CDH23: variants seen among roughly 807,000 people sequenced by gnomAD.
The protein encoded by CDH23 is cadherin-23.
In CDH23, 189 loss-of-function variants were observed where a neutral mutation model predicts 317.1. The observed-to-expected ratio is 0.60, with a 90% CI of 0.53 to 0.67. The LOEUF is 0.67. Ranked by LOEUF, CDH23 falls within the 30% of genes least tolerant of loss-of-function variation. The pLI is 0.00. For missense variants in CDH23, 4,401 were observed against 4,592.4 expected, an observed-to-expected ratio of 0.96 and a Z score of 1.20; for synonymous variants, 1,839 against 1,876.8, an observed-to-expected ratio of 0.98 and a Z score of 0.52.
rs530603188 is a variant in CDH23 at position 71,420,844 on chromosome 10, T to A, written c.-5-18983T>A. 2.0e-5 allele frequency among the ~76,000 whole-genome samples: 3 copies of A among 152,124 alleles called. No individual in the cohort carries two copies. In the East Asian group the frequency reaches 5.8e-4, roughly 30 times the overall value. ...TCTCTTGGCCTCTGCTTTACTCACTTCAGCATTTCTCGGCACCACCCCCAT... is the reference window on the plus strand; with the variant it reads ...TCTCTTGGCCTCTGCTTTACTCACTACAGCATTTCTCGGCACCACCCCCAT... On this transcript the variant is annotated intron_variant, in intron 1 of 69. Coordinates refer to ENST00000224721, the MANE Select transcript of CDH23 (RefSeq NM_022124.6).
chr10:71,532,013 G>A (rs2132261911), intron 6 of CDH23, among the ~76,000 whole-genome samples: 1 of 152,122 alleles, frequency 6.6e-6, no homozygotes, highest in East Asian at 1.9e-4. Flanking sequence ...CTACCAGCCA[G>A]CTCCTCCCAA....
intron 38 of CDH23, among the ~76,000 whole-genome samples, chr10:71,765,999 TAGG>T (rs746543209): frequency 2.0e-5 from 3 of 152,060 alleles, no homozygotes; most frequent in Non-Finnish European, 2.9e-5. Context: ...AGCCTGTCGT[TAGG>T]AGGACACTCG....
intron 48 of CDH23, 167 bp from the exon 49 acceptor site, chr10:71,796,937 C>T (rs1841419229): frequency 1.7e-6 from 1 of 573,570 alleles, no homozygotes; most frequent in Admixed American, 2.7e-5. Context: ...GCCACGTGAC[C>T]CAAGCTTATG....
At chr10:71,592,457 G>T (rs987949578) in intron 9 of CDH23, among the ~76,000 whole-genome samples, 2 of 152,146 alleles carry the variant, frequency 1.3e-5, no homozygotes, top group Non-Finnish European at 1.5e-5. Flanking sequence ...AGCAGGGCTG[G>T]TTCCTTCTAG....
chr10:71,681,515 T>C (rs1248523713), intron 17 of CDH23, among the ~76,000 whole-genome samples: 2 of 152,208 alleles, frequency 1.3e-5, no homozygotes, highest in Non-Finnish European at 2.9e-5. Flanking sequence ...AACAGAGTTC[T>C]GTTGAAGGTA....
At chr10:71,578,054 G>A in intron 9 of CDH23, 62 bp downstream of exon 9, 1 of 1,487,110 alleles carries the variant, frequency 6.7e-7, no homozygotes, top group East Asian at 2.4e-5. Flanking sequence ...AGGAGAGCCA[G>A]TAGGCATCTC....
At chr10:71,544,816 A>T (rs1341203099) in intron 6 of CDH23, among the ~76,000 whole-genome samples, 2 of 152,332 alleles carry the variant, frequency 1.3e-5, no homozygotes. Flanking sequence ...AGGGAGTCGG[A>T]TCATTTTCAG....
At chr10:71,653,176 C>T (rs1863259665) in intron 14 of CDH23, among the ~76,000 whole-genome samples, 1 of 152,208 alleles carries the variant, frequency 6.6e-6, no homozygotes, top group Admixed American at 6.5e-5. Flanking sequence ...CAGCAGACAG[C>T]CCTGCTGCAT....
chr10:71,621,384 C>A lies in CDH23; in HGVS notation c.1134+3991C>A, dbSNP rs528513695. Among the ~76,000 whole-genome samples the A allele has an allele frequency of 3.9e-5, 6 of 152,306 alleles. No homozygotes were observed. In the South Asian group the frequency reaches 1.2e-3, roughly 32 times the overall value. On this transcript the variant is annotated intron_variant, in intron 11 of 69. Transcript: ENST00000224721. Reference sequence around the variant, plus strand: ...ACATGCCCACGATTAGTGTGAGGATCCCACTAAATCTAACTCCTGATTGCA... The same window carrying A: ...ACATGCCCACGATTAGTGTGAGGATACCACTAAATCTAACTCCTGATTGCA...
At chr10:71,706,808 A>G in intron 25 of CDH23, 89 bp from the exon 26 acceptor site, 1 of 1,500,550 alleles carries the variant, frequency 6.7e-7, no homozygotes, top group East Asian at 2.5e-5. Context: ...TTCATTCCCT[A>G]CTTGGTCTGG....
At chr10:71,482,608 G>A (rs1852128094) in intron 3 of CDH23, among the ~76,000 whole-genome samples, 1 of 152,190 alleles carries the variant, frequency 6.6e-6, no homozygotes, top group Non-Finnish European at 1.5e-5. Flanking sequence ...CACCTGTGGG[G>A]GCACTGGACT....
rs114942884 is a variant in CDH23 at position 71,571,231 on chromosome 10, G to C, written c.753+313G>C. 3.6e-3 allele frequency among the ~76,000 whole-genome samples: 555 copies of C among 152,358 alleles called. 8 individuals carry two copies. Among genetic ancestry groups the C allele is most frequent in the African/African-American group, 0.013 (534 of 41,574 alleles). On this transcript the variant is annotated intron_variant, in intron 8 of 69. Transcript: ENST00000224721. The stretch of plus-strand genomic sequence containing the variant: ...GGGGATCCCATGGAAAATTCAGCCT[G>C]TGCTGAAGAATGGACTCAGTCTGGC...
intron 38 of CDH23, chr10:71,755,292 G>T: frequency 7.1e-7 from 1 of 1,402,384 alleles, no homozygotes; most frequent in Non-Finnish European, 9.9e-7. Flanking sequence ...AATCCCAGGG[G>T]CTGAACTGGG....
At chr10:71,796,092 C>A (rs2132960101) in intron 48 of CDH23, 5 of 986,614 alleles carry the variant, frequency 5.1e-6, no homozygotes, top group South Asian at 4.7e-5. Flanking sequence ...AAGTGACTAC[C>A]CCATGGCTGG....
intron 14 of CDH23, among the ~76,000 whole-genome samples, chr10:71,647,441 C>T (rs1392315654): frequency 2.0e-5 from 3 of 146,856 alleles, no homozygotes; most frequent in East Asian, 2.0e-4. Context: ...CCAGCCTGGG[C>T]GACAGAGCCA....
At chr10:71,435,240 G>T (rs1849565147) in intron 1 of CDH23, among the ~76,000 whole-genome samples, 1 of 152,200 alleles carries the variant, frequency 6.6e-6, no homozygotes, top group Non-Finnish European at 1.5e-5. Flanking sequence ...ACAATGACTG[G>T]CATAGAACAT....
chr10:71,684,714 G>C (rs534779264), intron 18 of CDH23, among the ~76,000 whole-genome samples: 118 of 152,364 alleles, frequency 7.7e-4, no homozygotes, highest in African/African-American at 2.7e-3. Context: ...CCATGCCCCA[G>C]CCTGTCGCTA....
At chr10:71,485,023 C>CTTTTTTTTTTTTTTTTTTTTT (rs56153129) in intron 3 of CDH23, among the ~76,000 whole-genome samples, 1 of 110,150 alleles carries the variant, frequency 9.1e-6, no homozygotes, top group Non-Finnish European at 1.8e-5. Flanking sequence ...TTTCTTTTTT[C>CTTTTTTTTTTTTTTTTTTTTT]TTTTTTTTTT....
chr10:71,732,770 A>T, intron 32 of CDH23: 2 of 1,021,354 alleles, frequency 2.0e-6, no homozygotes, highest in East Asian at 1.3e-4. Context: ...CACCCATCAC[A>T]GATCCTTCAC....
Sources: allele counts gnomAD v4.1 joint callset (sites outside exome capture counted in the v4.1 genomes callset), GRCh38; gene constraint gnomAD v4.1.1; transcripts MANE v1.5; gene names NCBI Gene and HGNC (gene_info 2026-07-23, HGNC 2026-07-21).